Variants in DGKI observed in about 807,000 individuals in gnomAD.
DGKI encodes diacylglycerol kinase iota.
Under a neutral mutation model 147.5 loss-of-function variants are expected in DGKI, and 55 were observed. The observed-to-expected ratio is 0.37, with a 90% CI of 0.30 to 0.47. The LOEUF is 0.47. Ranked by LOEUF, DGKI falls within the 20% of genes least tolerant of loss-of-function variation. DGKI has a pLI of 1.00. For synonymous variants in DGKI, 469 were observed against 477.1 expected, an observed-to-expected ratio of 0.98 and a Z score of 0.22; for missense variants, 1,007 against 1,323.8, an observed-to-expected ratio of 0.76 and a Z score of 3.71.
At chr7:137,541,997 C>G (rs1385032086) in intron 20 of DGKI, among the ~76,000 whole-genome samples, 1 of 152,010 alleles carries the variant, frequency 6.6e-6, no homozygotes, top group Non-Finnish European at 1.5e-5. Context: ...GCAAAGCACA[C>G]AAAGGCCTTG....
rs1820275845 is a variant in DGKI at position 137,609,021 on chromosome 7, G to A, written c.1112C>T (p.Ser371Phe). 31 of 1,613,796 alleles carry A rather than the reference G, an allele frequency of 1.9e-5. No homozygotes were observed. The highest frequency in any genetic ancestry group is 2.6e-5 in the Non-Finnish European group (31 of 1,179,766). The change falls in exon 10 of 33, where the codon TCT becomes TTT. Residue 371 changes from serine (S) to phenylalanine (F), a missense_variant. Physicochemically the swap from Ser to Phe is radical, Grantham distance 155. Transcript: ENST00000614521. ...TACAAGCAAGGGTTTCATGAGAGGA[G>A]AAGAGATGGGTTTTATCACAAAAGG... ...GRPFVIKPISSPLMKPLLVFV... is the reference protein window; with the variant it reads ...GRPFVIKPISFPLMKPLLVFV...
chr7:137,528,803 G>A (rs1246983031), intron 20 of DGKI, among the ~76,000 whole-genome samples: 3 of 152,180 alleles, frequency 2.0e-5, no homozygotes, highest in East Asian at 3.9e-4. Context: ...GCTAATGGAA[G>A]TGGCTTAGTC....
At chr7:137,693,608 C>G (rs1823683805) in intron 1 of DGKI, among the ~76,000 whole-genome samples, 1 of 152,156 alleles carries the variant, frequency 6.6e-6, no homozygotes, top group Admixed American at 6.5e-5. Flanking sequence ...GGACAGGGCT[C>G]AATCCATCTA....
chr7:137,752,492 T>G (rs887707191), intron 1 of DGKI, among the ~76,000 whole-genome samples: 1 of 152,108 alleles, frequency 6.6e-6, no homozygotes, highest in African/African-American at 2.4e-5. Context: ...AAGTAAAAAC[T>G]AAAAGGCAGA....
At chr7:137,413,214 G>A (rs763535078) in intron 28 of DGKI, among the ~76,000 whole-genome samples, 6 of 150,518 alleles carry the variant, frequency 4.0e-5, no homozygotes, top group Admixed American at 6.6e-5. Flanking sequence ...TGCAGTGAGC[G>A]GAGATCGCGC....
At chr7:137,535,747 T>A (rs10238276) in intron 20 of DGKI, among the ~76,000 whole-genome samples, 9,130 of 152,220 alleles carry the variant, frequency 0.06, 666 homozygotes, top group African/African-American at 0.18. Context: ...GAATGTTAAA[T>A]GTGGAAGGGG....
chr7:137,673,866 G>GC (rs1159933373), intron 3 of DGKI, among the ~76,000 whole-genome samples: 2 of 152,176 alleles, frequency 1.3e-5, no homozygotes, highest in African/African-American at 4.8e-5. Flanking sequence ...GTATAGCCTA[G>GC]CCCCAGAGCA....
intron 21 of DGKI, 124 bp from the exon 22 acceptor site, chr7:137,487,813 T>C: frequency 1.2e-6 from 1 of 837,686 alleles, no homozygotes; most frequent in Non-Finnish European, 1.9e-6. Flanking sequence ...GATATGTCCG[T>C]AAAAAGAAAG....
chr7:137,590,685 A>G (rs1819576633), intron 12 of DGKI, among the ~76,000 whole-genome samples: 1 of 152,080 alleles, frequency 6.6e-6, no homozygotes, highest in Non-Finnish European at 1.5e-5. Flanking sequence ...CTATGAATCG[A>G]TGCTGTGTTG....
chr7:137,616,313 A>G (rs28394651), intron 8 of DGKI, among the ~76,000 whole-genome samples: 4,307 of 152,294 alleles, frequency 0.028, 121 homozygotes, highest in African/African-American at 0.078. Context: ...AATGTAAAAT[A>G]CTGAAAACTT....
intron 1 of DGKI, among the ~76,000 whole-genome samples, chr7:137,720,250 C>CTTTTTTT (rs552382033): frequency 2.4e-4 from 21 of 88,218 alleles, no homozygotes; most frequent in South Asian, 4.9e-4. Context: ...TTGAAAAAAT[C>CTTTTTTT]TTTTTTTTTT....
intron 2 of DGKI, among the ~76,000 whole-genome samples, chr7:137,687,633 A>C (rs554441319): frequency 6.6e-6 from 1 of 152,350 alleles, no homozygotes; most frequent in East Asian, 1.9e-4. Flanking sequence ...ACACGATTGT[A>C]ATAAATGAGT....
intron 8 of DGKI, among the ~76,000 whole-genome samples, chr7:137,612,238 T>G (rs867628465): frequency 1.1e-3 from 161 of 150,766 alleles, no homozygotes; most frequent in African/African-American, 3.6e-3. Flanking sequence ...TTTTTTTTTT[T>G]TTTTGTAACA....
chr7:137,397,307 G>T, intron 31 of DGKI, 70 bp downstream of exon 31: 1 of 1,440,986 alleles, frequency 6.9e-7, no homozygotes, highest in Non-Finnish European at 9.6e-7. Flanking sequence ...ATGCTCTATA[G>T]ATTACATTCT....
At chr7:137,566,309 T>C (rs555369857) in intron 19 of DGKI, among the ~76,000 whole-genome samples, 3 of 152,090 alleles carry the variant, frequency 2.0e-5, no homozygotes, top group East Asian at 1.9e-4. Flanking sequence ...ATAAGCAATA[T>C]AGTAGTTCAA....
At chr7:137,843,431 G>A (rs1261650207) in intron 1 of DGKI, 4 of 985,018 alleles carry the variant, frequency 4.1e-6, no homozygotes, top group Admixed American at 6.2e-5. Context: ...CTTTACAGTC[G>A]ACAGAGACTA....
intron 23 of DGKI, among the ~76,000 whole-genome samples, chr7:137,472,668 T>G (rs1281194036): frequency 6.6e-6 from 1 of 151,588 alleles, no homozygotes; most frequent in Non-Finnish European, 1.5e-5. Flanking sequence ...CTTAATGCAT[T>G]TTTGAAAAAC....
chr7:137,492,114 C>G (rs1279842430), intron 21 of DGKI, among the ~76,000 whole-genome samples: 2 of 152,222 alleles, frequency 1.3e-5, no homozygotes, highest in Non-Finnish European at 2.9e-5. Flanking sequence ...ACAGTTCACT[C>G]AGTTCCCCCA....
chr7:137,686,603 T>C (rs1385459784), intron 2 of DGKI, among the ~76,000 whole-genome samples: 3 of 152,162 alleles, frequency 2.0e-5, no homozygotes, highest in East Asian at 3.9e-4. Context: ...ACTGTATATA[T>C]CACAAACAAG....
Sources: gnomAD v4.1 joint callset for allele counts (sites outside exome capture counted in the v4.1 genomes callset) on GRCh38, gnomAD v4.1.1 for gene constraint, MANE v1.5 for transcripts, NCBI Gene and HGNC (gene_info 2026-07-23, HGNC 2026-07-21) for gene names.